Variants in SRP54 observed in about 807,000 individuals in gnomAD.
SRP54 encodes the protein signal recognition particle subunit SRP54.
A neutral mutation model predicts 64.8 loss-of-function variants in SRP54; 10 were observed. The ratio of observed to expected loss-of-function variants is 0.15; its 90% CI spans 0.10 to 0.26. The LOEUF (loss-of-function observed/expected upper bound fraction) is 0.26. SRP54 is among the 10% of genes least tolerant of loss of function. The pLI is 1.00. For synonymous variants in SRP54, 193 were observed against 185.6 expected, an observed-to-expected ratio of 1.04 and a Z score of -0.32; for missense variants, 325 against 613.7, an observed-to-expected ratio of 0.53 and a Z score of 4.97.
chr14:34,985,914 T>C (rs576145041), intron 1 of SRP54, among the ~76,000 whole-genome samples: 1 of 152,338 alleles, frequency 6.6e-6, no homozygotes, highest in East Asian at 1.9e-4. Flanking sequence ...AGCATATGCC[T>C]CTTATCCCTC....
intron 2 of SRP54, among the ~76,000 whole-genome samples, chr14:34,997,419 A>G (rs1218933828): frequency 2.6e-5 from 4 of 152,192 alleles, no homozygotes; most frequent in Non-Finnish European, 4.4e-5. Flanking sequence ...TATACTTTAT[A>G]TTTTGTATCA....
At chr14:34,988,844 C>A (rs1265801951) in intron 1 of SRP54, among the ~76,000 whole-genome samples, 1 of 151,846 alleles carries the variant, frequency 6.6e-6, no homozygotes, top group African/African-American at 2.4e-5. Flanking sequence ...AGAGGATGCT[C>A]AAGTCCCTGA....
chr14:35,014,701 G>C (rs146112089), intron 10 of SRP54, 43 bp from the exon 11 acceptor site: 24 of 1,406,470 alleles, frequency 1.7e-5, no homozygotes, highest in Middle Eastern at 3.5e-4. Flanking sequence ...TGTGAAGCAG[G>C]GTATAGTATT....
At chr14:35,006,947 T>C (rs2044265842) in intron 4 of SRP54, among the ~76,000 whole-genome samples, 1 of 152,144 alleles carries the variant, frequency 6.6e-6, no homozygotes, top group Non-Finnish European at 1.5e-5. Flanking sequence ...TCCCAGCACT[T>C]TGAGGCTGAG....
rs781380548 is a variant in SRP54 at position 35,007,366 on chromosome 14, T to C, written c.339T>C (p.Gly113=). Residue 113 remains glycine, a synonymous_variant, in exon 5 of 16, where the codon GGT becomes GGC. Coordinates refer to ENST00000216774, the MANE Select transcript of SRP54 (RefSeq NM_003136.4). ...TGTTTGTTGGATTGCAAGGGAGTGG[T>C]AAAACAACAACATGTTCAAAGGTAA... ...VIMFVGLQGS[G]KTTTCSKLAY... 1 of 1,589,450 alleles carries C rather than the reference T, an allele frequency of 6.3e-7. No homozygotes were observed. Among genetic ancestry groups the C allele is most frequent in the Non-Finnish European group, 8.6e-7 (1 of 1,163,616 alleles).
chr14:35,018,151 T>C (rs1344697530), intron 11 of SRP54, among the ~76,000 whole-genome samples: 1 of 152,234 alleles, frequency 6.6e-6, no homozygotes, highest in Non-Finnish European at 1.5e-5. Flanking sequence ...CAATCTGTTT[T>C]CTTTGACTAA....
At chr14:34,986,310 T>C (rs574502994) in intron 1 of SRP54, among the ~76,000 whole-genome samples, 1 of 152,372 alleles carries the variant, frequency 6.6e-6, no homozygotes, top group Admixed American at 6.5e-5. Flanking sequence ...GGTGGTATGA[T>C]GCATAATTTA....
At chr14:35,012,983 G>T (rs1050225446) in intron 8 of SRP54, among the ~76,000 whole-genome samples, 1 of 125,286 alleles carries the variant, frequency 8.0e-6, no homozygotes, top group East Asian at 2.5e-4. Flanking sequence ...CACTCTTGTC[G>T]CCCAGGCTGG....
chr14:35,006,227 T>G (rs2044255424), intron 4 of SRP54, among the ~76,000 whole-genome samples: 1 of 152,214 alleles, frequency 6.6e-6, no homozygotes, highest in Admixed American at 6.5e-5. Context: ...ATTATTATTT[T>G]TTACTAGCCC....
chr14:35,025,759 ATCT>A (rs1448902851), intron 14 of SRP54, among the ~76,000 whole-genome samples: 2 of 152,258 alleles, frequency 1.3e-5, no homozygotes, highest in Admixed American at 6.5e-5. Flanking sequence ...TAAAAACATA[ATCT>A]TCTCTTTCAT....
chr14:35,020,366 A>G (rs2044508781), intron 13 of SRP54, among the ~76,000 whole-genome samples: 1 of 152,104 alleles, frequency 6.6e-6, no homozygotes, highest in South Asian at 2.1e-4. Flanking sequence ...AAACACAAGA[A>G]TGAAATTTGC....
In SRP54 at chr14:35,001,038, T is replaced by G; in HGVS notation, c.255+18T>G. ...TTGTGAAGGTAAAAGTATATGAAGA[T>G]TATGCTGTGATTCTATACTCAGTGG... On this transcript the variant is annotated intron_variant, in intron 4 of 15. Transcript: ENST00000216774. The G allele has an allele frequency of 7.2e-7, 1 of 1,396,860 alleles. No individual in the cohort carries two copies. Among genetic ancestry groups the G allele is most frequent in the South Asian group, 1.3e-5 (1 of 78,494 alleles). The allele number at this position is 1,396,860 out of a possible 1,614,324, so 86.5% of individuals were successfully genotyped here.
chr14:35,014,290 T>TTTTTTTTTTTTTTG (rs376712278), intron 10 of SRP54, among the ~76,000 whole-genome samples: 1 of 127,280 alleles, frequency 7.9e-6, no homozygotes, highest in East Asian at 2.7e-4. Context: ...TTTTTTTTTT[T>TTTTTTTTTTTTTTG]TTTTGAGACG....
At position 35,002,474 on chromosome 14, in the gene SRP54, T is replaced by C. The variant is rs1315373314; in HGVS notation, c.255+1454T>C. On this transcript the variant is annotated intron_variant, in intron 4 of 15. Transcript: ENST00000216774. Reference sequence around the variant, plus strand: ...TTTTTTTTGACTCTCCCTCTGTCACTCAGGCTGAAGTGCAATGGCATGATC... The same window carrying C: ...TTTTTTTTGACTCTCCCTCTGTCACCCAGGCTGAAGTGCAATGGCATGATC... Among the ~76,000 whole-genome samples, 7 of 151,246 alleles carry C rather than the reference T, an allele frequency of 4.6e-5. No homozygotes were observed. The East Asian group carries it at 1.4e-3, about 29-fold the overall frequency.
chr14:35,001,053 A>C, intron 4 of SRP54, 33 bp downstream of exon 4: 1 of 1,171,598 alleles, frequency 8.5e-7, no homozygotes, highest in Non-Finnish European at 1.2e-6. Context: ...CTGTGATTCT[A>C]TACTCAGTGG....
rs1327880847 is a variant in SRP54 at position 35,008,707 on chromosome 14, A to G, written c.427+14A>G. On this transcript the variant is annotated intron_variant, in intron 6 of 15. Transcript: ENST00000216774. ...CATTCAGAGCAGGTAATGTCTTGAA[A>G]TTTGAAAATTGTTTTATATAATTTT... 3 of 1,605,726 alleles carry G rather than the reference A, an allele frequency of 1.9e-6. No homozygotes were observed. The highest frequency in any genetic ancestry group is 2.5e-6 in the Non-Finnish European group (3 of 1,176,900).
intron 5 of SRP54, among the ~76,000 whole-genome samples, 192 bp downstream of exon 5, chr14:35,007,579 ATATT>A (rs948473107): frequency 1.4e-5 from 2 of 147,014 alleles, no homozygotes; most frequent in South Asian, 2.1e-4. Flanking sequence ...TACATAAAAT[ATATT>A]TATATTATAA....
chr14:35,007,413 A>G, intron 5 of SRP54, 26 bp downstream of exon 5: 3 of 1,474,996 alleles, frequency 2.0e-6, no homozygotes, highest in Non-Finnish European at 2.8e-6. Context: ...TTTAAAAAGA[A>G]GTCATATGGA....
chr14:35,004,538 T>C (rs2044227958), intron 4 of SRP54: 1 of 152,168 alleles, frequency 6.6e-6, no homozygotes, highest in Admixed American at 6.6e-5. Context: ...GTTTATATGG[T>C]TTCAGATTCT....
Sources: gnomAD v4.1 joint callset for allele counts (sites outside exome capture counted in the v4.1 genomes callset) on GRCh38, gnomAD v4.1.1 for gene constraint, MANE v1.5 for transcripts, NCBI Gene and HGNC (gene_info 2026-07-23, HGNC 2026-07-21) for gene names.